Variants in NCAM2 observed in about 807,000 individuals in gnomAD.
The protein encoded by NCAM2 is neural cell adhesion molecule 2.
In NCAM2, 30 loss-of-function variants were observed where a neutral mutation model predicts 98.1. The ratio of observed to expected loss-of-function variants is 0.31; its 90% CI spans 0.23 to 0.41. The LOEUF (loss-of-function observed/expected upper bound fraction) is 0.41, where lower values mean the gene tolerates loss of function less well. Ranked by LOEUF, NCAM2 falls within the 10% of genes least tolerant of loss-of-function variation. NCAM2 has a pLI of 1.00. For synonymous variants in NCAM2, 368 were observed against 342.4 expected (o/e 1.07, Z -0.83); for missense variants, 867 against 1,005.8 (o/e 0.86, Z 1.87).
chr21:21,458,850 A>G (rs1235528538), intron 12 of NCAM2, among the ~76,000 whole-genome samples: 1 of 152,154 alleles, frequency 6.6e-6, no homozygotes, highest in Non-Finnish European at 1.5e-5. Flanking sequence ...AACAAGTGGG[A>G]TTGCATCAAG....
intron 10 of NCAM2, among the ~76,000 whole-genome samples, chr21:21,411,110 A>ATATGTGTG (rs2076867687): frequency 7.4e-5 from 2 of 26,972 alleles, no homozygotes; most frequent in African/African-American, 1.5e-4. Context: ...ATACATATAT[A>ATATGTGTG]TGTATATATA....
chr21:21,435,338 C>T (rs1322039833), intron 12 of NCAM2, among the ~76,000 whole-genome samples: 8 of 152,118 alleles, frequency 5.3e-5, no homozygotes, highest in Non-Finnish European at 2.9e-5. Context: ...ATGCAAATAT[C>T]ATATCTCTCC....
chr21:21,403,000 A>T (rs1380585120), intron 9 of NCAM2, among the ~76,000 whole-genome samples: 2 of 152,098 alleles, frequency 1.3e-5, no homozygotes, highest in Non-Finnish European at 2.9e-5. Context: ...TTTGTAACTG[A>T]TGTGAGTTTA....
chr21:21,058,064 A>G (rs1601233168), intron 1 of NCAM2, among the ~76,000 whole-genome samples: 1 of 150,980 alleles, frequency 6.6e-6, no homozygotes, highest in Non-Finnish European at 1.5e-5. Context: ...TCCAGAGATC[A>G]CTAATGCCCA....
chr21:21,041,472 G>A (rs985701841), intron 1 of NCAM2, among the ~76,000 whole-genome samples: 2 of 152,184 alleles, frequency 1.3e-5, no homozygotes, highest in South Asian at 2.1e-4. Flanking sequence ...GATGGTACAA[G>A]AGCATTAAAA....
chr21:21,490,612 C>T (rs982935252), intron 15 of NCAM2, among the ~76,000 whole-genome samples: 2 of 151,740 alleles, frequency 1.3e-5, no homozygotes, highest in African/African-American at 4.8e-5. Flanking sequence ...CGACATAAAT[C>T]TAGCTAGTCT....
chr21:21,377,580 C>A (rs934728917), intron 9 of NCAM2, among the ~76,000 whole-genome samples: 3 of 151,780 alleles, frequency 2.0e-5, no homozygotes, highest in Non-Finnish European at 4.4e-5. Flanking sequence ...GATTGGCCAA[C>A]AATAATTGTA....
At chr21:21,395,739 G>A (rs1025497724) in intron 9 of NCAM2, among the ~76,000 whole-genome samples, 1 of 152,086 alleles carries the variant, frequency 6.6e-6, no homozygotes, top group Non-Finnish European at 1.5e-5. Context: ...CTTTGACAAA[G>A]CAAACAAAAA....
chr21:21,275,962 A>G (rs1187155048), intron 1 of NCAM2, among the ~76,000 whole-genome samples: 1 of 152,150 alleles, frequency 6.6e-6, no homozygotes, highest in Non-Finnish European at 1.5e-5. Context: ...CCAATATTTC[A>G]GCAATATTCT....
intron 14 of NCAM2, among the ~76,000 whole-genome samples, chr21:21,473,903 CAAA>C (rs5842929): frequency 7.3e-6 from 1 of 136,282 alleles, no homozygotes; most frequent in African/African-American, 2.7e-5. Context: ...ATTTTCTGAC[CAAA>C]AAAAAAAAAA....
chr21:21,374,943 A>G (rs906601830), intron 9 of NCAM2, among the ~76,000 whole-genome samples: 5 of 151,642 alleles, frequency 3.3e-5, no homozygotes, highest in African/African-American at 4.8e-5. Flanking sequence ...TTTACATTTT[A>G]TAGACTGTGC....
intron 1 of NCAM2, among the ~76,000 whole-genome samples, chr21:21,100,341 A>C (rs971732435): frequency 6.6e-6 from 1 of 151,918 alleles, no homozygotes; most frequent in Non-Finnish European, 1.5e-5. Context: ...AAGGAGCTAT[A>C]TGAATGTCAG....
At chr21:21,439,280 G>A (rs1336977549) in intron 12 of NCAM2, among the ~76,000 whole-genome samples, 1 of 151,896 alleles carries the variant, frequency 6.6e-6, no homozygotes, top group Non-Finnish European at 1.5e-5. Flanking sequence ...CATCACATCT[G>A]GCTAATTTTT....
intron 1 of NCAM2, among the ~76,000 whole-genome samples, chr21:21,082,769 T>G (rs1401596073): frequency 6.6e-6 from 1 of 152,178 alleles, no homozygotes; most frequent in African/African-American, 2.4e-5. Flanking sequence ...CTCTCCATCT[T>G]TTTGTTCTAG....
chr21:21,232,003 C>G (rs2070646529), intron 1 of NCAM2, among the ~76,000 whole-genome samples: 1 of 151,392 alleles, frequency 6.6e-6, no homozygotes, highest in Non-Finnish European at 1.5e-5. Flanking sequence ...TCAGTCGTGT[C>G]AGTTTTTTAG....
chr21:21,460,377 T>C (rs1416747440), intron 12 of NCAM2, among the ~76,000 whole-genome samples: 1 of 151,922 alleles, frequency 6.6e-6, no homozygotes, highest in East Asian at 1.9e-4. Context: ...CTCCCTTTAC[T>C]GGTGTAGGAA....
intron 5 of NCAM2, among the ~76,000 whole-genome samples, chr21:21,296,695 T>C (rs536669878): frequency 6.6e-6 from 1 of 151,726 alleles, no homozygotes; most frequent in East Asian, 2.0e-4. Context: ...GAGAGATAAT[T>C]GGGGCCTTTA....
intron 1 of NCAM2, among the ~76,000 whole-genome samples, chr21:21,131,865 G>A (rs1000375676): frequency 1.3e-5 from 2 of 152,156 alleles, no homozygotes; most frequent in African/African-American, 4.8e-5. Context: ...ATACAGAAAA[G>A]TGAATAATAG....
At chr21:21,251,516 T>C (rs748183848) in intron 1 of NCAM2, among the ~76,000 whole-genome samples, 1 of 152,190 alleles carries the variant, frequency 6.6e-6, no homozygotes, top group Non-Finnish European at 1.5e-5. Flanking sequence ...TAGTATTCCA[T>C]GGTGTCTGTG....
Sources: allele counts gnomAD v4.1 joint callset (sites outside exome capture counted in the v4.1 genomes callset), GRCh38; gene constraint gnomAD v4.1.1; transcripts MANE v1.5; gene names NCBI Gene and HGNC (gene_info 2026-07-23, HGNC 2026-07-21).